Variants in KCNQ1 observed in about 807,000 individuals in gnomAD.
The protein encoded by KCNQ1 is potassium voltage-gated channel subfamily KQT member 1.
A neutral mutation model predicts 72.4 loss-of-function variants in KCNQ1; 49 were observed. The ratio of observed to expected loss-of-function variants is 0.68; its 90% CI spans 0.54 to 0.86. KCNQ1 has a LOEUF of 0.86. KCNQ1 is among the 40% of genes least tolerant of loss of function. KCNQ1 has a pLI of 0.00. For missense variants in KCNQ1, 790 were observed against 945.1 expected (o/e 0.84, Z 2.15); for synonymous variants, 450 against 412.6 (o/e 1.09, Z -1.10).
chr11:2,605,676 G>A (rs1041333188), intron 10 of KCNQ1, among the ~76,000 whole-genome samples: 3 of 152,018 alleles, frequency 2.0e-5, no homozygotes, highest in Non-Finnish European at 2.9e-5. Context: ...ACATTTTCTC[G>A]AATACTGTTA....
rs1168682012 is a variant in KCNQ1 at position 2,766,934 on chromosome 11, T to A, written c.1515-1910T>A. 6.6e-6 allele frequency among the ~76,000 whole-genome samples: 1 copy of A among 152,164 alleles called. No homozygotes were observed. The highest frequency in any genetic ancestry group is 1.5e-5 in the Non-Finnish European group (1 of 68,020). ...TGGCTCATGCCTGTAATCCCAGCAC[T>A]TTTGGAGGCCAAGGCGGACAGATCA... On this transcript the variant is annotated intron_variant, in intron 11 of 15. Coordinates refer to ENST00000155840, the MANE Select transcript of KCNQ1 (RefSeq NM_000218.3). The surrounding 1 kb of genome is among the most constrained non-coding windows in gnomAD (Gnocchi z 4.4).
At chr11:2,551,437 A>T (rs1317904841) in intron 2 of KCNQ1, among the ~76,000 whole-genome samples, 1 of 152,236 alleles carries the variant, frequency 6.6e-6, no homozygotes, top group African/African-American at 2.4e-5. Flanking sequence ...CTCTGCATTC[A>T]GCAGTTTGTC....
At position 2,767,597 on chromosome 11, in the gene KCNQ1, A is replaced by G. The variant is rs900230005; in HGVS notation, c.1515-1247A>G. Among the ~76,000 whole-genome samples the G allele has an allele frequency of 6.6e-6, 1 of 152,120 alleles. No homozygotes were observed. The highest frequency in any genetic ancestry group is 2.4e-5 in the African/African-American group (1 of 41,408). ...ATTTTATTTTCTTCTGCCACGCGCA[A>G]AGCACCTTACTCCAGTAGGGGATTG... On this transcript the variant is annotated intron_variant, in intron 11 of 15. Coordinates refer to ENST00000155840, the MANE Select transcript of KCNQ1 (RefSeq NM_000218.3). The surrounding 1 kb of genome is among the most constrained non-coding windows in gnomAD (Gnocchi z 4.6).
rs1034451353 is a variant in KCNQ1, at chr11:2,832,854, G to A, written c.1795-14913G>A. 2.6e-5 allele frequency among the ~76,000 whole-genome samples: 4 copies of A among 152,112 alleles called. No homozygotes were observed. In the South Asian group the frequency reaches 8.3e-4, roughly 31 times the overall value. On this transcript the variant is annotated intron_variant, in intron 15 of 15. Coordinates refer to ENST00000155840, the MANE Select transcript of KCNQ1 (RefSeq NM_000218.3). The stretch of plus-strand genomic sequence containing the variant: ...TGTGGGGAAGGTGGCTGCCACCGCC[G>A]TGGTCCACAGGGCCTGGCCAGGGCT...
intron 15 of KCNQ1, among the ~76,000 whole-genome samples, chr11:2,832,525 A>G (rs1847973220): frequency 6.6e-6 from 1 of 152,158 alleles, no homozygotes; most frequent in Admixed American, 6.5e-5. Flanking sequence ...GATCAGGGAG[A>G]TGGGACGCAG....
rs1322301706 is a variant in KCNQ1, at chr11:2,667,321, AG to A, written c.1514+5241del. Reference sequence around the variant, plus strand: ...GCACTGTCTAGGTGGATGGCCCAGAAGAAAGCAGTGAGGCTTCTCATTTCCT... The same window carrying A: ...GCACTGTCTAGGTGGATGGCCCAGAAAAAGCAGTGAGGCTTCTCATTTCCT... On this transcript the variant is annotated intron_variant, in intron 11 of 15. Transcript: ENST00000155840. 1.5e-5 allele frequency: 6 copies of A among 398,652 alleles called. No individual in the cohort carries two copies. The East Asian group carries it at 2.1e-4, about 14-fold the overall frequency. 24.7% of individuals were successfully genotyped at this position (398,652 alleles called of 1,614,324 possible). A position where few individuals can be genotyped will look rare whatever the true frequency, so the allele number is the denominator to read the frequency against.
At position 2,813,523 on chromosome 11, in the gene KCNQ1, C is replaced by G. The variant is rs1564902889; in HGVS notation, c.1795-34244C>G. Among the ~76,000 whole-genome samples, 1 of 152,126 alleles carries G rather than the reference C, an allele frequency of 6.6e-6. No homozygotes were observed. Among genetic ancestry groups the G allele is most frequent in the East Asian group, 1.9e-4 (1 of 5,160 alleles). The stretch of plus-strand genomic sequence containing the variant: ...CCAAGTCCTGACAACACCTCCAGCC[C>G]CTGTCTCTATGGTCCCCTCCTTGAT... On this transcript the variant is annotated intron_variant, in intron 15 of 15. Transcript: ENST00000155840. The surrounding 1 kb of genome is among the most constrained non-coding windows in gnomAD (Gnocchi z 4.4).
Position 2,541,417 on chromosome 11 carries a change from C to T in KCNQ1, c.477+13399C>T, listed in dbSNP as rs993942109. On this transcript the variant is annotated intron_variant, in intron 2 of 15. Coordinates refer to ENST00000155840, the MANE Select transcript of KCNQ1 (RefSeq NM_000218.3). This position sits in a 1 kb window ranked among gnomAD's most constrained non-coding sequence, Gnocchi z 4.8. ...GGGGCCTGTGTCTCTTCTCACTGAC[C>T]GTTTTCTGAAACTGGCTGGGGAGGG... 2.0e-5 allele frequency among the ~76,000 whole-genome samples: 3 copies of T among 152,060 alleles called. No homozygotes were observed. The highest frequency in any genetic ancestry group is 4.1e-4 in the South Asian group (2 of 4,820).
intron 12 of KCNQ1, among the ~76,000 whole-genome samples, chr11:2,774,917 G>A (rs774435636): frequency 1.3e-5 from 2 of 152,146 alleles, no homozygotes; most frequent in Non-Finnish European, 2.9e-5. Flanking sequence ...CCTCTGACTT[G>A]GGCTGGCCCT....
At chr11:2,572,539 C>T (rs1848352861) in intron 5 of KCNQ1, among the ~76,000 whole-genome samples, 1 of 152,206 alleles carries the variant, frequency 6.6e-6, no homozygotes, top group Non-Finnish European at 1.5e-5. Flanking sequence ...TCTCCTGGGT[C>T]CTGGTCCATT....
chr11:2,805,909 CAG>C (rs1847362364), intron 15 of KCNQ1, among the ~76,000 whole-genome samples: 1 of 152,202 alleles, frequency 6.6e-6, no homozygotes. Flanking sequence ...AAGAACAAAT[CAG>C]AGTTATGCAC....
chr11:2,791,854 G>A (rs190728714), intron 15 of KCNQ1, among the ~76,000 whole-genome samples: 3 of 152,220 alleles, frequency 2.0e-5, no homozygotes, highest in African/African-American at 7.2e-5. Context: ...GGGGGCTTCC[G>A]CCTCACTTTG....
chr11:2,837,419 G>A (rs537611516), intron 15 of KCNQ1, among the ~76,000 whole-genome samples: 8 of 152,270 alleles, frequency 5.3e-5, no homozygotes, highest in Admixed American at 3.9e-4. Context: ...TCCCAGACAC[G>A]CCCGGGCCTG....
At position 2,491,354 on chromosome 11, in the gene KCNQ1, G is replaced by C. The variant is rs903759172; in HGVS notation, c.387-36574G>C. The stretch of plus-strand genomic sequence containing the variant: ...AAACTCAAATTCAAGATAACACAGC[G>C]AAGGAATTCAGAATTCTATCAGATA... On this transcript the variant is annotated intron_variant, in intron 1 of 15. Transcript: ENST00000155840. This position sits in a 1 kb window ranked among gnomAD's most constrained non-coding sequence, Gnocchi z 4.1. Among the ~76,000 whole-genome samples, 2 of 152,166 alleles carry C rather than the reference G, an allele frequency of 1.3e-5. No individual in the cohort carries two copies. The highest frequency in any genetic ancestry group is 1.3e-4 in the Admixed American group (2 of 15,270).
In KCNQ1 at chr11:2,690,128, G is replaced by C. The variant is rs1055097800; in HGVS notation, c.1514+28047G>C. ...CCGGGGTTAGAACTGGGGGAGCAGG[G>C]ACAAAAAGCGGGCAGCCCTCCCCAG... On this transcript the variant is annotated intron_variant, in intron 11 of 15. Coordinates refer to ENST00000155840, the MANE Select transcript of KCNQ1 (RefSeq NM_000218.3). This position sits in a 1 kb window ranked among gnomAD's most constrained non-coding sequence, Gnocchi z 5.1. 2.5e-6 allele frequency: 1 copy of C among 398,854 alleles called. No homozygotes were observed. Among genetic ancestry groups the C allele is most frequent in the Non-Finnish European group, 4.4e-6 (1 of 226,352 alleles). The allele number at this position is 398,854 out of a possible 1,614,324, so 24.7% of individuals were successfully genotyped here.
In KCNQ1 at chr11:2,572,979, G is replaced by T. The variant is rs120074186; in HGVS notation, c.914G>T (p.Trp305Leu). The T allele has an allele frequency of 1.9e-6, 3 of 1,612,826 alleles. No individual in the cohort carries two copies. The highest frequency in any genetic ancestry group is 1.7e-6 in the Non-Finnish European group (2 of 1,179,454). ...EFGSYADALW[W>L]GVVTVTTIGY... Reference sequence around the variant, plus strand: ...GGCAGCTACGCAGATGCGCTGTGGTGGGGGGTGGTAAGTCGGAAACTTCCA... The same window carrying T: ...GGCAGCTACGCAGATGCGCTGTGGTTGGGGGTGGTAAGTCGGAAACTTCCA... Residue 305 changes from tryptophan (W) to leucine (L), a missense_variant, in exon 6 of 16, where the codon TGG (tryptophan) becomes TTG (leucine). Around this residue, in one of 5 missense-constraint regions of KCNQ1, gnomAD observed 133 missense variants for 219.5 expected, o/e 0.61. Transcript: ENST00000155840.
intron 11 of KCNQ1, chr11:2,680,638 A>T: frequency 2.5e-6 from 1 of 398,604 alleles, no homozygotes; most frequent in African/African-American, 2.1e-5. Context: ...TCTGACCAGG[A>T]TATTGCATTG....
At chr11:2,453,500 A>C (rs1181767642) in intron 1 of KCNQ1, among the ~76,000 whole-genome samples, 1 of 152,258 alleles carries the variant, frequency 6.6e-6, no homozygotes, top group East Asian at 1.9e-4. Flanking sequence ...ACCCACAGCC[A>C]GCAGGAGATG....
Position 2,764,719 on chromosome 11 carries a change from T to G in KCNQ1, c.1515-4125T>G, listed in dbSNP as rs1413620137. Reference sequence around the variant, plus strand: ...TGGGCAATTTGGATTATTTTTGTTTTTGTGTCTACTTTTACATACTGTGTT... The same window carrying G: ...TGGGCAATTTGGATTATTTTTGTTTGTGTGTCTACTTTTACATACTGTGTT... On this transcript the variant is annotated intron_variant, in intron 11 of 15. Coordinates refer to ENST00000155840, the MANE Select transcript of KCNQ1 (RefSeq NM_000218.3). This position sits in a 1 kb window ranked among gnomAD's most constrained non-coding sequence, Gnocchi z 4.8. 6.6e-6 allele frequency among the ~76,000 whole-genome samples: 1 copy of G among 152,220 alleles called. No individual in the cohort carries two copies. Among genetic ancestry groups the G allele is most frequent in the African/African-American group, 2.4e-5 (1 of 41,458 alleles).
Sources: allele counts gnomAD v4.1 joint callset (sites outside exome capture counted in the v4.1 genomes callset), GRCh38; gene constraint gnomAD v4.1.1; regional missense constraint gnomAD v4.1.1; non-coding constraint Gnocchi (gnomAD v3.1); transcripts MANE v1.5; gene names NCBI Gene and HGNC (gene_info 2026-07-23, HGNC 2026-07-21).